The following ACO1 variants were observed in gnomAD, a reference collection of about 807,000 sequenced individuals.
ACO1 encodes the protein aconitase 1.
ACO1 carries 78 observed loss-of-function variants against 105.1 expected under a neutral mutation model. That is an observed-to-expected ratio of 0.74 (90% CI 0.62 to 0.90). ACO1 has a LOEUF of 0.90. Among genes scored for constraint, ACO1 ranks in the 40% least tolerant of loss-of-function variants. The pLI is 0.00. For synonymous variants in ACO1, 364 were observed against 397.4 expected (o/e 0.92, Z 1.00); for missense variants, 965 against 1,111.1 (o/e 0.87, Z 1.87).
At position 32,410,109 on chromosome 9, in the gene ACO1, C is replaced by T. The variant is rs554567892; in HGVS notation, c.404+1458C>T. On this transcript the variant is annotated intron_variant, in intron 4 of 20. Transcript: ENST00000309951. ...TCACTCTCTAAAAGCCTTTGGTTTA[C>T]GTTGGAAGTATTGGGAGTGAGTCTT... Among the ~76,000 whole-genome samples the T allele has an allele frequency of 7.9e-5, 12 of 152,208 alleles. No individual in the cohort carries two copies. In the South Asian group the frequency reaches 1.2e-3, roughly 16 times the overall value.
chr9:32,434,683 G>A lies in ACO1; in HGVS notation c.2081G>A (p.Arg694His), dbSNP rs756010290. The change falls in exon 17 of 21, where the codon CGC becomes CAC. Residue 694 changes from arginine to histidine, a missense_variant. Physicochemically the swap from Arg to His is conservative, Grantham distance 29 (BLOSUM62 0). Transcript: ENST00000309951. Reference sequence around the variant, plus strand: ...ATTGCAAGAAACAGTCCTGCTGCTCGCTACTTAACTAACAGAGGGTAAGTA... The same window carrying A: ...ATTGCAAGAAACAGTCCTGCTGCTCACTACTTAACTAACAGAGGGTAAGTA... Reference protein sequence around the residue: ...GNIARNSPAARYLTNRGLTPR... With the variant: ...GNIARNSPAAHYLTNRGLTPR... The A allele has an allele frequency of 1.2e-5, 19 of 1,614,094 alleles. No individual in the cohort carries two copies. Among genetic ancestry groups the A allele is most frequent in the East Asian group, 4.5e-5 (2 of 44,878 alleles).
At chr9:32,416,213 G>C (rs1821845127) in intron 4 of ACO1, among the ~76,000 whole-genome samples, 1 of 151,372 alleles carries the variant, frequency 6.6e-6, no homozygotes. Context: ...TCCTGCCTCA[G>C]CCTCTCGAGT....
intron 1 of ACO1, among the ~76,000 whole-genome samples, chr9:32,402,294 T>C (rs189761005): frequency 2.4e-4 from 37 of 152,336 alleles, no homozygotes; most frequent in East Asian, 1.5e-3. Flanking sequence ...GTGTGATATA[T>C]GCTAACTCTT....
chr9:32,434,960 A>G (rs969056411), intron 17 of ACO1, among the ~76,000 whole-genome samples: 1 of 152,180 alleles, frequency 6.6e-6, no homozygotes, highest in African/African-American at 2.4e-5. Context: ...ATTAGGCCCA[A>G]CTGTCATCCC....
At chr9:32,416,505 A>G (rs947124583) in intron 4 of ACO1, among the ~76,000 whole-genome samples, 1 of 152,066 alleles carries the variant, frequency 6.6e-6, no homozygotes, top group African/African-American at 2.4e-5. Flanking sequence ...GACCACATTG[A>G]TACCATGTCC....
intron 18 of ACO1, among the ~76,000 whole-genome samples, chr9:32,438,557 T>A (rs1007055816): frequency 1.4e-4 from 21 of 152,186 alleles, no homozygotes; most frequent in Admixed American, 1.1e-3. Context: ...TGAATATCTT[T>A]AAAGGTGATT....
chr9:32,443,814 T>C (rs1284653378), intron 19 of ACO1, among the ~76,000 whole-genome samples: 10 of 152,202 alleles, frequency 6.6e-5, no homozygotes, highest in Admixed American at 3.9e-4. Context: ...CATTTTTGTT[T>C]ATTTGTATGC....
In ACO1 at chr9:32,452,930, G is replaced by A. The variant is rs1587566280; in HGVS notation, c.*2819G>A. The A allele has an allele frequency of 6.6e-6, 1 of 150,804 alleles. No individual in the cohort carries two copies. The highest frequency in any genetic ancestry group is 2.4e-5 in the African/African-American group (1 of 40,956). 9.3% of individuals were successfully genotyped at this position (150,804 alleles called of 1,614,324 possible). On this transcript the variant is annotated 3_prime_UTR_variant, in exon 21 of 21. Transcript: ENST00000309951. ...GATTGCTCCACTGCACTCCAGCCTG[G>A]GCAATAGAGTGAGACCCTATCAATC... is the stretch of plus-strand genomic sequence containing the variant.
At chr9:32,413,026 A>AT (rs569655196) in intron 4 of ACO1, among the ~76,000 whole-genome samples, 3,573 of 146,750 alleles carry the variant, frequency 0.024, 51 homozygotes, top group African/African-American at 0.039. Flanking sequence ...GTTCACTGTA[A>AT]TTTTTTTTTT....
intron 8 of ACO1, among the ~76,000 whole-genome samples, chr9:32,421,774 T>C (rs1821981575): frequency 1.3e-5 from 2 of 151,426 alleles, no homozygotes; most frequent in African/African-American, 4.9e-5. Flanking sequence ...AGAAAAGAAA[T>C]GAGAGTGTGA....
Position 32,434,580 on chromosome 9 carries a change from A to G in ACO1, c.1978A>G (p.Lys660Glu), listed in dbSNP as rs1449892479. The change falls in exon 17 of 21, where the codon AAA becomes GAA. Residue 660 changes from lysine to glutamate, a missense_variant. Lys to Glu is a moderately conservative substitution (Grantham distance 56). Coordinates refer to ENST00000309951, the MANE Select transcript of ACO1 (RefSeq NM_002197.3). ...CTAGACTTTGGATCTTCAGCCCCCT[A>G]AATCTATAGTGGATGCCTATGTGCT... ...ENLTLDLQPP[K>E]SIVDAYVLLN... is the part of the protein sequence containing the mutation. The G allele has an allele frequency of 6.2e-7, 1 of 1,614,090 alleles. No individual in the cohort carries two copies. The highest frequency in any genetic ancestry group is 8.5e-7 in the Non-Finnish European group (1 of 1,179,964).
intron 1 of ACO1, among the ~76,000 whole-genome samples, chr9:32,386,757 C>T (rs1048275014): frequency 4.0e-5 from 6 of 151,682 alleles, no homozygotes; most frequent in African/African-American, 1.4e-4. Context: ...TTAAAAAATT[C>T]CACTTTGATG....
intron 4 of ACO1, among the ~76,000 whole-genome samples, chr9:32,410,862 G>A (rs542603604): frequency 3.3e-4 from 50 of 152,278 alleles, no homozygotes; most frequent in African/African-American, 1.2e-3. Flanking sequence ...TGACCTAGGT[G>A]AGCACAGTCA....
chr9:32,430,542 C>G lies in ACO1; in HGVS notation c.1694C>G (p.Thr565Ser). The stretch of plus-strand genomic sequence containing the variant: ...GTAATAGCATATGCAATTGCTGGAA[C>G]CATCAGAATCGACTTTGAGAAAGAG... ...PLVIAYAIAG[T>S]IRIDFEKEPL... The change falls in exon 14 of 21, where the codon ACC (threonine) becomes AGC (serine). Residue 565 changes from threonine to serine, a missense_variant. Coordinates refer to ENST00000309951, the MANE Select transcript of ACO1 (RefSeq NM_002197.3). 6.2e-7 allele frequency: 1 copy of G among 1,607,210 alleles called. No individual in the cohort carries two copies. The highest frequency in any genetic ancestry group is 8.5e-7 in the Non-Finnish European group (1 of 1,177,210).
chr9:32,411,437 C>T (rs895375162), intron 4 of ACO1, among the ~76,000 whole-genome samples: 23 of 151,600 alleles, frequency 1.5e-4, no homozygotes, highest in African/African-American at 3.9e-4. Flanking sequence ...GAATGAAACA[C>T]GGAAAAAAGG....
chr9:32,416,240 G>A (rs564379811), intron 4 of ACO1, among the ~76,000 whole-genome samples: 3 of 151,940 alleles, frequency 2.0e-5, no homozygotes, highest in South Asian at 2.1e-4. Context: ...GATTACAGGC[G>A]CCTGCCACCA....
intron 18 of ACO1, among the ~76,000 whole-genome samples, chr9:32,436,990 T>A (rs1822376106): frequency 6.6e-6 from 1 of 152,220 alleles, no homozygotes. Flanking sequence ...GAATGAAATA[T>A]AAAACCTAGC....
chr9:32,418,774 G>A (rs1175084383), intron 6 of ACO1, among the ~76,000 whole-genome samples: 1 of 152,082 alleles, frequency 6.6e-6, no homozygotes, highest in Non-Finnish European at 1.5e-5. Flanking sequence ...TAAAAATAGA[G>A]ACTCCCAAAG....
At chr9:32,410,615 C>T (rs1821717610) in intron 4 of ACO1, among the ~76,000 whole-genome samples, 1 of 152,044 alleles carries the variant, frequency 6.6e-6, no homozygotes, top group Non-Finnish European at 1.5e-5. Context: ...ATCTAGTCAT[C>T]TTTGCCCTTT....
Sources: gnomAD v4.1 joint callset for allele counts (sites outside exome capture counted in the v4.1 genomes callset) on GRCh38, gnomAD v4.1.1 for gene constraint, MANE v1.5 for transcripts, NCBI Gene and HGNC (gene_info 2026-07-23, HGNC 2026-07-21) for gene names.